Variants in SUFU observed in about 807,000 individuals in gnomAD.
SUFU encodes the protein SUFU negative regulator of hedgehog signaling, also known as suppressor of fused homolog.
Under a neutral mutation model 58.9 loss-of-function variants are expected in SUFU, and 7 were observed. That is an observed-to-expected ratio of 0.12 (90% CI 0.07 to 0.22). The LOEUF is 0.22. SUFU is among the 10% of genes least tolerant of loss of function. SUFU has a pLI of 1.00. For missense variants in SUFU, 451 were observed against 641.3 expected (o/e 0.70, Z 3.20); for synonymous variants, 232 against 254.8 (o/e 0.91, Z 0.85).
rs61163160 is a variant in SUFU at position 102,573,083 on chromosome 10, C to T, written c.455-19499C>T. The T allele has an allele frequency of 6.8e-3, 5,348 of 782,808 alleles. 194 individuals are homozygous for T. The African/African-American group carries it at 0.08, about 12-fold the overall frequency. 48.5% of individuals were successfully genotyped at this position (782,808 alleles called of 1,614,324 possible). On this transcript the variant is annotated intron_variant, in intron 3 of 11. Coordinates refer to ENST00000369902, the MANE Select transcript of SUFU (RefSeq NM_016169.4). ...CCTCCAGAATCGCAGTGTCTTGGGC[C>T]GCTGGAAGGTAGGTGACGTGCGGAT...
chr10:102,601,591 T>A (rs2063515648), intron 8 of SUFU, among the ~76,000 whole-genome samples: 1 of 152,212 alleles, frequency 6.6e-6, no homozygotes, highest in African/African-American at 2.4e-5. Flanking sequence ...TACCAATTTG[T>A]TAGCAATTGG....
At chr10:102,615,426 C>T (rs1027857705) in intron 9 of SUFU, 24 bp downstream of exon 9, 1 of 1,613,906 alleles carries the variant, frequency 6.2e-7, no homozygotes, top group Admixed American at 1.7e-5. Flanking sequence ...CCCTGCCACA[C>T]AGTTTACCCC....
At chr10:102,534,490 G>T (rs1337594480) in intron 2 of SUFU, among the ~76,000 whole-genome samples, 1 of 152,246 alleles carries the variant, frequency 6.6e-6, no homozygotes, top group Non-Finnish European at 1.5e-5. Flanking sequence ...TCCCCTAGGG[G>T]ACAGGCGGAG....
At chr10:102,507,087 T>C (rs2062337147) in intron 1 of SUFU, among the ~76,000 whole-genome samples, 1 of 152,190 alleles carries the variant, frequency 6.6e-6, no homozygotes, top group Admixed American at 6.5e-5. Context: ...CACATACTCA[T>C]CTGGCCTCTG....
At position 102,594,002 on chromosome 10, in the gene SUFU, C is replaced by T. The variant is rs200885602; in HGVS notation, c.693C>T (p.Gly231=). 1 of 1,614,136 alleles carries T rather than the reference C, an allele frequency of 6.2e-7. No homozygotes were observed. Residue 231 remains glycine (G), a synonymous_variant, in exon 6 of 12, where the codon GGC becomes GGT. Transcript: ENST00000369902. ...CTTTCCTTGTCCACAGTGCTGGCGG[C>T]CCCTGGCTGATAACTGACATGCGGA... ...ELLRTVPIAG[G]PWLITDMRRG...
chr10:102,556,001 C>G (rs1484761325), intron 3 of SUFU, among the ~76,000 whole-genome samples: 1 of 152,214 alleles, frequency 6.6e-6, no homozygotes, highest in Non-Finnish European at 1.5e-5. Context: ...CTCCACCCAC[C>G]CATTTGCACG....
At chr10:102,560,969 G>A (rs763323623) in intron 3 of SUFU, among the ~76,000 whole-genome samples, 4 of 152,054 alleles carry the variant, frequency 2.6e-5, no homozygotes, top group Non-Finnish European at 5.9e-5. Flanking sequence ...TCAGCCTCCC[G>A]AGTAGCTGGG....
At chr10:102,620,800 G>A (rs1325583821) in intron 10 of SUFU, among the ~76,000 whole-genome samples, 1 of 152,146 alleles carries the variant, frequency 6.6e-6, no homozygotes, top group Non-Finnish European at 1.5e-5. Flanking sequence ...TCTTCTGAGC[G>A]GGAGCCCGGC....
chr10:102,630,997 T>C lies in SUFU; in HGVS notation c.*842T>C, dbSNP rs1390919769. 4.3e-6 allele frequency: 1 copy of C among 233,484 alleles called. No individual in the cohort carries two copies. The highest frequency in any genetic ancestry group is 8.5e-6 in the Non-Finnish European group (1 of 118,342). The allele number at this position is 233,484 out of a possible 1,614,324, so 14.5% of individuals were successfully genotyped here. A position where few individuals can be genotyped will look rare whatever the true frequency, so the allele number is the denominator to read the frequency against. ...GGGGTGCTACTGTTTTCCAAGTGAATGGGTCTCAAAGACTTGGTGACCCCA... is the reference window on the plus strand; with the variant it reads ...GGGGTGCTACTGTTTTCCAAGTGAACGGGTCTCAAAGACTTGGTGACCCCA... On this transcript the variant is annotated 3_prime_UTR_variant, in exon 12 of 12. Transcript: ENST00000369902.
At chr10:102,539,655 T>G (rs1234147050) in intron 2 of SUFU, among the ~76,000 whole-genome samples, 1 of 152,234 alleles carries the variant, frequency 6.6e-6, no homozygotes, top group Non-Finnish European at 1.5e-5. Context: ...TGATAATTGT[T>G]TCTACATTCA....
chr10:102,593,229 A>G (rs987678271), intron 4 of SUFU, among the ~76,000 whole-genome samples: 1 of 152,202 alleles, frequency 6.6e-6, no homozygotes, highest in Admixed American at 6.5e-5. Context: ...TGGTGGTTCC[A>G]AGCCTGATAG....
chr10:102,609,871 C>CTAG (rs948657884), intron 8 of SUFU, among the ~76,000 whole-genome samples: 2 of 152,146 alleles, frequency 1.3e-5, no homozygotes, highest in Admixed American at 6.5e-5. Flanking sequence ...ATCTTGCACT[C>CTAG]TCTAGACTAG....
chr10:102,599,153 A>G (rs900503803), intron 7 of SUFU, among the ~76,000 whole-genome samples: 1 of 152,294 alleles, frequency 6.6e-6, no homozygotes, highest in African/African-American at 2.4e-5. Flanking sequence ...CCTGTGACAC[A>G]GGAAAGAAAA....
chr10:102,578,629 A>G (rs1387119733), intron 3 of SUFU, among the ~76,000 whole-genome samples: 3 of 149,610 alleles, frequency 2.0e-5, no homozygotes, highest in African/African-American at 7.4e-5. Flanking sequence ...AACTGCTTGG[A>G]CCTGTGAGGC....
intron 3 of SUFU, among the ~76,000 whole-genome samples, chr10:102,578,460 A>G (rs1463748922): frequency 1.3e-5 from 2 of 152,202 alleles, no homozygotes; most frequent in South Asian, 2.1e-4. Context: ...CTGTAACCCC[A>G]GCACTTTGGG....
chr10:102,551,879 C>G (rs1484653241), intron 3 of SUFU, among the ~76,000 whole-genome samples: 2 of 150,946 alleles, frequency 1.3e-5, no homozygotes, highest in Non-Finnish European at 2.9e-5. Flanking sequence ...TGCCCGCCAC[C>G]ACGCCTGGCT....
At chr10:102,575,349 G>C (rs2063203433) in intron 3 of SUFU, among the ~76,000 whole-genome samples, 1 of 152,176 alleles carries the variant, frequency 6.6e-6, no homozygotes, top group Non-Finnish European at 1.5e-5. Context: ...AATTTATAAA[G>C]AAAAGGAATT....
chr10:102,531,998 A>G (rs941290749), intron 2 of SUFU, among the ~76,000 whole-genome samples: 1 of 150,904 alleles, frequency 6.6e-6, no homozygotes, highest in African/African-American at 2.4e-5. Flanking sequence ...TCTGTTGCCC[A>G]GGCTGGAGTG....
intron 3 of SUFU, among the ~76,000 whole-genome samples, chr10:102,588,392 CAA>C (rs201096208): frequency 2.7e-4 from 25 of 91,558 alleles, no homozygotes; most frequent in African/African-American, 2.0e-4. Flanking sequence ...GACTCTGTCT[CAA>C]AAAAAAAAAA....
Sources: gnomAD v4.1 joint callset for allele counts (sites outside exome capture counted in the v4.1 genomes callset) on GRCh38, gnomAD v4.1.1 for gene constraint, MANE v1.5 for transcripts, NCBI Gene and HGNC (gene_info 2026-07-23, HGNC 2026-07-21) for gene names.